ECE1: variants seen among roughly 807,000 people sequenced by gnomAD.
The protein encoded by ECE1 is endothelin-converting enzyme 1.
Under a neutral mutation model 98.6 loss-of-function variants are expected in ECE1, and 35 were observed. The observed-to-expected ratio is 0.35, with a 90% CI of 0.27 to 0.47. The LOEUF (loss-of-function observed/expected upper bound fraction) is 0.47, where lower values mean the gene tolerates loss of function less well. Among genes scored for constraint, ECE1 ranks in the 20% least tolerant of loss-of-function variants. ECE1 has a pLI of 1.00. For missense variants in ECE1, 814 were observed against 1,025.3 expected (o/e 0.79, Z 2.81); for synonymous variants, 394 against 407.1 (o/e 0.97, Z 0.39).
chr1:21,227,015 T>C, intron 16 of ECE1, 144 bp downstream of exon 16: 1 of 776,622 alleles, frequency 1.3e-6, no homozygotes, highest in Non-Finnish European at 2.2e-6. Flanking sequence ...TAATCCATCA[T>C]GCACAGCCTA....
In ECE1 at chr1:21,290,360, T is replaced by C; in HGVS notation, c.51+4A>G. On this transcript the variant is annotated splice_donor_region_variant and intron_variant, in intron 1 of 18. Transcript: ENST00000374893. The surrounding 1 kb of genome is among the most constrained non-coding windows in gnomAD (Gnocchi z 7.3). Reference sequence around the variant, plus strand: ...CCCCGCCCTCCAGGCCGCGCCCGCCTCACCCCCAGCGCCGACAGCAGGGCG... The same window carrying C: ...CCCCGCCCTCCAGGCCGCGCCCGCCCCACCCCCAGCGCCGACAGCAGGGCG... The C allele has an allele frequency of 8.6e-7, 1 of 1,160,030 alleles. No individual in the cohort carries two copies. The highest frequency in any genetic ancestry group is 1.1e-6 in the Non-Finnish European group (1 of 945,904). 71.9% of individuals were successfully genotyped at this position (1,160,030 alleles called of 1,614,324 possible).
At chr1:21,228,523 T>G (rs1188210982) in intron 14 of ECE1, among the ~76,000 whole-genome samples, 1 of 152,106 alleles carries the variant, frequency 6.6e-6, no homozygotes, top group East Asian at 1.9e-4. Context: ...CAGTGGCTCA[T>G]GCTTGTAATC....
chr1:21,260,376 G>A lies in ECE1; in HGVS notation c.510C>T (p.Ser170=), dbSNP rs765636983. 2 of 1,614,206 alleles carry A rather than the reference G, an allele frequency of 1.2e-6. No homozygotes were observed. Among genetic ancestry groups the A allele is most frequent in the South Asian group, 1.1e-5 (1 of 91,084 alleles). Residue 170 remains serine, a synonymous_variant, in exon 5 of 19, where the codon AGC becomes AGT. Coordinates refer to ENST00000374893, the MANE Select transcript of ECE1 (RefSeq NM_001397.3). The surrounding 1 kb of genome is among the most constrained non-coding windows in gnomAD (Gnocchi z 4.3). ...IKHLLENSTA[S]VSEAERKAQV... ...GCGCCTTTCTCTCTGCCTCGCTCAC[G>A]CTGGCCGTGGAGTTTTCTGGAACAA...
intron 8 of ECE1, among the ~76,000 whole-genome samples, chr1:21,249,704 G>A (rs78373238): frequency 1.1e-4 from 16 of 152,192 alleles, no homozygotes; most frequent in African/African-American, 3.6e-4. Flanking sequence ...GCACAGTTCA[G>A]GGGCATTCAG....
chr1:21,224,881 G>A (rs1409607411), intron 17 of ECE1, among the ~76,000 whole-genome samples: 1 of 152,214 alleles, frequency 6.6e-6, no homozygotes, highest in Non-Finnish European at 1.5e-5. Flanking sequence ...TCCACGACCA[G>A]TGCTCCTTGC....
At chr1:21,341,933 C>T (rs1446795114) in intron 1 of ECE1, among the ~76,000 whole-genome samples, 2 of 152,142 alleles carry the variant, frequency 1.3e-5, no homozygotes. Flanking sequence ...CCACTGCCCC[C>T]GGACTCCCTC....
chr1:21,332,208 G>C (rs1465104120), intron 1 of ECE1, among the ~76,000 whole-genome samples: 5 of 152,046 alleles, frequency 3.3e-5, no homozygotes, highest in African/African-American at 1.2e-4. Flanking sequence ...GCTTCACTGG[G>C]AAGGCAACTC....
chr1:21,323,805 G>A (rs1231989037), intron 1 of ECE1, among the ~76,000 whole-genome samples: 1 of 148,850 alleles, frequency 6.7e-6, no homozygotes, highest in African/African-American at 2.5e-5. Flanking sequence ...TGGGAGATGG[G>A]GGCAATTTTC....
At chr1:21,329,536 C>T (rs1320904613) in intron 1 of ECE1, among the ~76,000 whole-genome samples, 1 of 152,236 alleles carries the variant, frequency 6.6e-6, no homozygotes, top group African/African-American at 2.4e-5. Context: ...CTGTGAGTCA[C>T]CTTTCTCATG....
At chr1:21,308,852 T>TGCC (rs1638654777) in intron 1 of ECE1, among the ~76,000 whole-genome samples, 1 of 152,178 alleles carries the variant, frequency 6.6e-6, no homozygotes, top group South Asian at 2.1e-4. Flanking sequence ...AGGGTTTCCC[T>TGCC]TGCTAGGAGC....
chr1:21,267,083 G>A (rs1448012693), intron 4 of ECE1: 1 of 152,152 alleles, frequency 6.6e-6, no homozygotes, highest in African/African-American at 2.4e-5. Flanking sequence ...GGCTTGAGGG[G>A]GCCAGTTCCC....
chr1:21,226,618 C>T (rs2098174571), intron 16 of ECE1, among the ~76,000 whole-genome samples: 1 of 152,234 alleles, frequency 6.6e-6, no homozygotes, highest in East Asian at 1.9e-4. Flanking sequence ...TAGCCTCAAA[C>T]TCATGGGCTC....
At chr1:21,336,358 G>T (rs1639304955) in intron 1 of ECE1, among the ~76,000 whole-genome samples, 1 of 152,142 alleles carries the variant, frequency 6.6e-6, no homozygotes, top group Admixed American at 6.5e-5. Context: ...TCCAGCCTGG[G>T]TGACAGAGTG....
chr1:21,330,315 A>C (rs1485914991), intron 1 of ECE1, among the ~76,000 whole-genome samples: 2 of 142,114 alleles, frequency 1.4e-5, no homozygotes, highest in Non-Finnish European at 3.0e-5. Flanking sequence ...CACTCACTGC[A>C]ACCTCTGCCT....
rs754584823 is a variant in ECE1 at position 21,247,243 on chromosome 1, G to C, written c.1141C>G (p.Leu381Val). ...TACCATCTGTCGGTGGTGTTGATGA[G>C]AGTGGAGATCTGCTCAAGGTATTCC... The part of the protein sequence containing the change: ...DKEYLEQIST[L>V]INTTDRCLLN... Residue 381 changes from leucine to valine, a missense_variant, in exon 9 of 19, where the codon CTC (leucine) becomes GTC (valine). This residue lies in a region of ECE1 where 452 missense variants were observed against 567.3 expected (regional missense o/e 0.80). Coordinates refer to ENST00000374893, the MANE Select transcript of ECE1 (RefSeq NM_001397.3). 2.5e-6 allele frequency: 4 copies of C among 1,614,194 alleles called. No individual in the cohort carries two copies. In the South Asian group the frequency reaches 3.3e-5, roughly 13 times the overall value.
Position 21,254,524 on chromosome 1 carries a change from G to A in ECE1, c.1020+1423C>T, listed in dbSNP as rs575836102. Among the ~76,000 whole-genome samples, 4 of 152,216 alleles carry A rather than the reference G, an allele frequency of 2.6e-5. No homozygotes were observed. In the East Asian group the frequency reaches 7.7e-4, roughly 29 times the overall value. ...GCAGTGGTGATAGGATGCCTGGGGG[G>A]AACCTGGTGGCCATGCTGGGCTGAT... On this transcript the variant is annotated intron_variant, in intron 8 of 18. Transcript: ENST00000374893.
At chr1:21,318,371 G>A (rs1345442522) in intron 1 of ECE1, among the ~76,000 whole-genome samples, 2 of 152,132 alleles carry the variant, frequency 1.3e-5, no homozygotes, top group Non-Finnish European at 2.9e-5. Context: ...TTCAGGTCAT[G>A]ACGCAGTTGG....
intron 1 of ECE1, chr1:21,299,323 T>A (rs1293041088): frequency 5.6e-6 from 1 of 178,596 alleles, no homozygotes; most frequent in Non-Finnish European, 1.2e-5. Flanking sequence ...ATGTGGTTGA[T>A]CCTGTCTAAC....
chr1:21,220,116 G>A lies in ECE1; in HGVS notation c.2152C>T (p.Arg718Cys), dbSNP rs758540578. ...CCTTCGTGGGAGCTCTCAGGTGTGCGGACGGAGCACCAGACCTTTGAAGGG... is the reference window on the plus strand; with the variant it reads ...CCTTCGTGGGAGCTCTCAGGTGTGCAGACGGAGCACCAGACCTTTGAAGGG... Reference protein sequence around the residue: ...LGFAQVWCSVRTPESSHEGLI... With the variant: ...LGFAQVWCSVCTPESSHEGLI... The change falls in exon 19 of 19, where the codon CGC becomes TGC. Residue 718 changes from arginine (R) to cysteine (C), a missense_variant. Physicochemically the swap from Arg to Cys is radical, Grantham distance 180. Around this residue, in one of 3 missense-constraint regions of ECE1, gnomAD observed 452 missense variants for 567.3 expected, o/e 0.80. Coordinates refer to ENST00000374893, the MANE Select transcript of ECE1 (RefSeq NM_001397.3). This position sits in a 1 kb window ranked among gnomAD's most constrained non-coding sequence, Gnocchi z 5.0. The A allele has an allele frequency of 1.2e-6, 2 of 1,612,722 alleles. No homozygotes were observed. The highest frequency in any genetic ancestry group is 1.1e-5 in the South Asian group (1 of 91,018).
Sources: gnomAD v4.1 joint callset for allele counts (sites outside exome capture counted in the v4.1 genomes callset) on GRCh38, gnomAD v4.1.1 for gene constraint, gnomAD v4.1.1 regional missense constraint, Gnocchi (gnomAD v3.1) non-coding constraint, MANE v1.5 for transcripts, NCBI Gene and HGNC (gene_info 2026-07-23, HGNC 2026-07-21) for gene names.